Variants in SHOC1 observed in about 807,000 individuals in gnomAD.
SHOC1 encodes the protein protein shortage in chiasmata 1 ortholog.
A neutral mutation model predicts 179.2 loss-of-function variants in SHOC1; 136 were observed. The ratio of observed to expected loss-of-function variants is 0.76; its 90% CI spans 0.66 to 0.87. The LOEUF (loss-of-function observed/expected upper bound fraction) is 0.87, where lower values mean the gene tolerates loss of function less well. Ranked by LOEUF, SHOC1 falls within the 40% of genes least tolerant of loss-of-function variation. The pLI is 0.00. For synonymous variants in SHOC1, 489 were observed against 586.6 expected, an observed-to-expected ratio of 0.83 and a Z score of 2.41; for missense variants, 1,538 against 1,700.8, an observed-to-expected ratio of 0.90 and a Z score of 1.68.
chr9:111,720,431 A>C (rs1328664953), intron 15 of SHOC1, among the ~76,000 whole-genome samples: 1 of 151,960 alleles, frequency 6.6e-6, no homozygotes, highest in African/African-American at 2.4e-5. Flanking sequence ...GATTATGTGG[A>C]CCTTCTTTGT....
Position 111,705,273 on chromosome 9 carries a change from T to C in SHOC1, c.2829A>G (p.Pro943=), listed in dbSNP as rs746866197. Residue 943 remains proline (P), a synonymous_variant, in exon 21 of 28, where the codon CCA becomes CCG. Coordinates refer to ENST00000682961, the MANE Select transcript of SHOC1 (RefSeq NM_001378211.1). Reference sequence around the variant, plus strand: ...TGGATTCTAGCAGCTGAAGTATGTCTGGAGTATTAAGAAGTCCTTCAGATG... The same window carrying C: ...TGGATTCTAGCAGCTGAAGTATGTCCGGAGTATTAAGAAGTCCTTCAGATG... The part of the protein sequence containing the change: ...FFASEGLLNT[P]DILQLLESNY... 2.5e-6 allele frequency: 4 copies of C among 1,572,724 alleles called. No homozygotes were observed. The highest frequency in any genetic ancestry group is 2.3e-5 in the East Asian group (1 of 43,490).
chr9:111,746,245 C>T lies in SHOC1; in HGVS notation c.1068G>A (p.Pro356=), dbSNP rs77078438. 2.8e-3 allele frequency: 4,536 copies of T among 1,592,686 alleles called. 68 individuals are homozygous for T. The African/African-American group carries it at 0.043, about 15-fold the overall frequency. Residue 356 remains proline, a synonymous_variant, in exon 10 of 28, where the codon CCG becomes CCA. Transcript: ENST00000682961. Reference sequence around the variant, plus strand: ...TAATCTTTACTTACATTTTACAAACCGGAGATAATGGAAATGTCTGAAGTT... The same window carrying T: ...TAATCTTTACTTACATTTTACAAACTGGAGATAATGGAAATGTCTGAAGTT... The part of the protein sequence containing the change: ...RTELQTFPLS[P]VCKINLLTAE...
At position 111,744,111 on chromosome 9, in the gene SHOC1, T is replaced by C. The variant is rs572078422; in HGVS notation, c.1079+2123A>G. On this transcript the variant is annotated intron_variant, in intron 10 of 27. Coordinates refer to ENST00000682961, the MANE Select transcript of SHOC1 (RefSeq NM_001378211.1). ...AAAGAGCTTATTATGGTTTAAATACTTCTAAAATCAAACTGAAATTAAAGA... is the reference window on the plus strand; with the variant it reads ...AAAGAGCTTATTATGGTTTAAATACCTCTAAAATCAAACTGAAATTAAAGA... Among the ~76,000 whole-genome samples, 3 of 152,318 alleles carry C rather than the reference T, an allele frequency of 2.0e-5. No individual in the cohort carries two copies. The East Asian group carries it at 5.8e-4, about 29-fold the overall frequency.
In SHOC1 at chr9:111,691,885, T is replaced by C. The variant is rs1306360073; in HGVS notation, c.4092A>G (p.Ile1364Met). The C allele has an allele frequency of 1.2e-6, 2 of 1,613,766 alleles. No homozygotes were observed. The highest frequency in any genetic ancestry group is 1.7e-6 in the Non-Finnish European group (2 of 1,179,946). The change falls in exon 27 of 28, where the codon ATA becomes ATG. Residue 1364 changes from isoleucine (I) to methionine (M), a missense_variant. Physicochemically the swap from Ile to Met is conservative, Grantham distance 10. Coordinates refer to ENST00000682961, the MANE Select transcript of SHOC1 (RefSeq NM_001378211.1). ...SPLHWNFKKN[I>M]WEQENHPFNL... ...TGAACGGGTGATTCTCTTGTTCCCATATATTTTTCTTAAAGTTCCAATGAA... is the reference window on the plus strand; with the variant it reads ...TGAACGGGTGATTCTCTTGTTCCCACATATTTTTCTTAAAGTTCCAATGAA...
chr9:111,744,886 G>C (rs997172645), intron 10 of SHOC1, among the ~76,000 whole-genome samples: 1 of 152,186 alleles, frequency 6.6e-6, no homozygotes, highest in African/African-American at 2.4e-5. Flanking sequence ...AGCTATCTCA[G>C]ACTCTATCAA....
chr9:111,780,104 A>G (rs892922793), intron 4 of SHOC1, among the ~76,000 whole-genome samples: 4 of 152,100 alleles, frequency 2.6e-5, no homozygotes, highest in Non-Finnish European at 5.9e-5. Context: ...AATTTTTTCT[A>G]TGTTTATCTA....
At chr9:111,741,435 C>A in intron 11 of SHOC1, 41 bp downstream of exon 11, 1 of 1,117,128 alleles carries the variant, frequency 9.0e-7, no homozygotes, top group Non-Finnish European at 1.3e-6. Context: ...ACCTTTTTAC[C>A]TATACTTTCT....
intron 5 of SHOC1, among the ~76,000 whole-genome samples, chr9:111,774,370 C>CT (rs1219830380): frequency 6.6e-6 from 1 of 152,192 alleles, no homozygotes; most frequent in Non-Finnish European, 1.5e-5. Context: ...ACGATCATGG[C>CT]TTACTACAGC....
At chr9:111,730,061 A>C (rs1443347784) in intron 12 of SHOC1, among the ~76,000 whole-genome samples, 1 of 151,950 alleles carries the variant, frequency 6.6e-6, no homozygotes. Flanking sequence ...ATAAGAAACA[A>C]CTCCTCATTT....
intron 3 of SHOC1, among the ~76,000 whole-genome samples, chr9:111,783,777 A>G (rs1836165057): frequency 6.6e-6 from 1 of 152,236 alleles, no homozygotes; most frequent in African/African-American, 2.4e-5. Flanking sequence ...AGGAAGTTAC[A>G]TGAAGTAGAT....
intron 14 of SHOC1, 137 bp from the exon 15 acceptor site, chr9:111,722,722 A>G: frequency 1.7e-6 from 1 of 575,862 alleles, no homozygotes; most frequent in Non-Finnish European, 2.8e-6. Context: ...ATGAGATTGT[A>G]TAAAAACTTA....
chr9:111,780,840 G>A (rs1400330387), intron 4 of SHOC1, 90 bp downstream of exon 4: 2 of 849,622 alleles, frequency 2.4e-6, no homozygotes, highest in Non-Finnish European at 3.7e-6. Flanking sequence ...AGAGATAAAG[G>A]AAGAGATTTT....
chr9:111,733,693 C>T (rs970432578), intron 12 of SHOC1, among the ~76,000 whole-genome samples: 1 of 151,980 alleles, frequency 6.6e-6, no homozygotes, highest in African/African-American at 2.4e-5. Context: ...CATGGCGAAA[C>T]CCCATCTCTA....
intron 15 of SHOC1, among the ~76,000 whole-genome samples, chr9:111,720,196 CAGAA>C (rs1489304876): frequency 2.6e-5 from 4 of 152,186 alleles, no homozygotes; most frequent in Non-Finnish European, 5.9e-5. Context: ...ACCATGTGGA[CAGAA>C]AGAGCTCTAA....
intron 4 of SHOC1, among the ~76,000 whole-genome samples, chr9:111,778,882 T>C (rs1201643770): frequency 6.6e-6 from 1 of 151,070 alleles, no homozygotes; most frequent in Non-Finnish European, 1.5e-5. Context: ...GTGGATCACT[T>C]GAGGCCAGGA....
chr9:111,759,531 T>C (rs1255416684), intron 5 of SHOC1: 1 of 1,180,608 alleles, frequency 8.5e-7, no homozygotes, highest in East Asian at 3.8e-5. Context: ...TGGCTAGCTG[T>C]CTAACAGCTT....
At chr9:111,784,140 A>T (rs1836179567) in intron 3 of SHOC1, among the ~76,000 whole-genome samples, 1 of 152,218 alleles carries the variant, frequency 6.6e-6, no homozygotes, top group African/African-American at 2.4e-5. Flanking sequence ...GGCCACCCAG[A>T]AAACTGTCCT....
chr9:111,732,348 AC>A (rs1160423885), intron 12 of SHOC1, among the ~76,000 whole-genome samples: 1 of 152,170 alleles, frequency 6.6e-6, no homozygotes, highest in Non-Finnish European at 1.5e-5. Flanking sequence ...CTTTGGGTGG[AC>A]CAGATGGGAG....
At chr9:111,770,486 T>TATTC (rs1381066949) in intron 5 of SHOC1, among the ~76,000 whole-genome samples, 1 of 152,172 alleles carries the variant, frequency 6.6e-6, no homozygotes, top group African/African-American at 2.4e-5. Flanking sequence ...AAAGAATATG[T>TATTC]ATTCTGCAGC....
Sources: allele counts gnomAD v4.1 joint callset (sites outside exome capture counted in the v4.1 genomes callset), GRCh38; gene constraint gnomAD v4.1.1; transcripts MANE v1.5; gene names NCBI Gene and HGNC (gene_info 2026-07-23, HGNC 2026-07-21).